Variants in FER1L5 observed in about 807,000 individuals in gnomAD.
FER1L5 encodes the protein fer-1-like protein 5.
In FER1L5, 187 loss-of-function variants were observed where a neutral mutation model predicts 279.9. The observed-to-expected ratio is 0.67, with a 90% confidence interval of 0.59 to 0.75. The LOEUF is 0.75. FER1L5 is among the 30% of genes least tolerant of loss of function. FER1L5 has a pLI of 0.00. For synonymous variants in FER1L5, 921 were observed against 989.7 expected, an observed-to-expected ratio of 0.93 and a Z score of 1.30; for missense variants, 2,091 against 2,594.4, an observed-to-expected ratio of 0.81 and a Z score of 4.21.
Position 96,661,429 on chromosome 2 carries a change from GACCA to G in FER1L5, c.884_887del (p.Asp295GlyfsTer3). ...CACCATCTATGCCCTCGGTGTGGGA[GACCA>G]GGCCCTGGTGAGCTGCCCCTAACCC... On this transcript the variant is annotated frameshift_variant, in exon 11 of 53. Transcript: ENST00000624922. LOFTEE classifies it high-confidence loss of function. The G allele has an allele frequency of 1.3e-6, 2 of 1,551,462 alleles. No individual in the cohort carries two copies. The highest frequency in any genetic ancestry group is 1.7e-6 in the Non-Finnish European group (2 of 1,146,898).
chr2:96,686,855 C>CAAAA (rs58724485), intron 23 of FER1L5, among the ~76,000 whole-genome samples: 2 of 41,148 alleles, frequency 4.9e-5, no homozygotes, highest in Admixed American at 2.3e-4. Flanking sequence ...GACTCCGTCT[C>CAAAA]AAAAAAAAAA....
At chr2:96,693,125 G>A (rs190662899) in intron 31 of FER1L5, among the ~76,000 whole-genome samples, 15 of 151,344 alleles carry the variant, frequency 9.9e-5, no homozygotes, top group East Asian at 1.9e-4. Flanking sequence ...GCAGTGAGCC[G>A]AGATGTGCCA....
rs1400177849 is a variant in FER1L5, at chr2:96,647,784, T to G, written c.237T>G (p.Ile79Met). The G allele has an allele frequency of 1.9e-6, 3 of 1,551,500 alleles. No individual in the cohort carries two copies. Residue 79 changes from isoleucine to methionine, a missense_variant, in exon 4 of 53, where the codon ATT becomes ATG. Physicochemically the swap from Ile to Met is conservative, Grantham distance 10. Coordinates refer to ENST00000624922, the MANE Select transcript of FER1L5 (RefSeq NM_001293083.2). ...DMGSQKKERF[I>M]GLATVLLKPL... ...CTGCTCCTTGTCTCCCCAGATTCATTGGCCTGGCCACAGTACTGCTCAAGC... is the reference window on the plus strand; with the variant it reads ...CTGCTCCTTGTCTCCCCAGATTCATGGGCCTGGCCACAGTACTGCTCAAGC...
At chr2:96,644,438 C>T (rs1372329249) in intron 1 of FER1L5, among the ~76,000 whole-genome samples, 1 of 151,436 alleles carries the variant, frequency 6.6e-6, no homozygotes, top group African/African-American at 2.4e-5. Flanking sequence ...GCCAAGATAG[C>T]GCCACTGCAC....
rs890052283 is a variant in FER1L5, at chr2:96,698,350, C to A, written c.4356+194C>A. ...GCTCCCCTTCCCCTCCCCACCCTGG[C>A]CTATGCTGGCCTCCCAAGGCTGCAA... On this transcript the variant is annotated intron_variant, in intron 40 of 52. Coordinates refer to ENST00000624922, the MANE Select transcript of FER1L5 (RefSeq NM_001293083.2). This position sits in a 1 kb window ranked among gnomAD's most constrained non-coding sequence, Gnocchi z 5.5. 6.6e-6 allele frequency among the ~76,000 whole-genome samples: 1 copy of A among 152,202 alleles called. No homozygotes were observed. Among genetic ancestry groups the A allele is most frequent in the Admixed American group, 6.5e-5 (1 of 15,284 alleles).
In FER1L5 at chr2:96,698,784, G is replaced by A. The variant is rs954553710; in HGVS notation, c.4470G>A (p.Val1490=). 3.4e-5 allele frequency: 53 copies of A among 1,566,260 alleles called. No homozygotes were observed. Among genetic ancestry groups the A allele is most frequent in the Non-Finnish European group, 4.6e-5 (53 of 1,155,802 alleles). ...EDFPQPCLVR[V]YMVRAINLQP... is the part of the protein sequence containing the mutation. The stretch of plus-strand genomic sequence containing the variant: ...TCCCCCAGCCGTGCTTGGTGCGGGT[G>A]TACATGGTACGAGCCATCAACCTGC... The change falls in exon 41 of 53, where the codon GTG becomes GTA. Residue 1490 remains valine (V), a synonymous_variant. Coordinates refer to ENST00000624922, the MANE Select transcript of FER1L5 (RefSeq NM_001293083.2). This position sits in a 1 kb window ranked among gnomAD's most constrained non-coding sequence, Gnocchi z 5.5.
chr2:96,703,024 G>C lies in FER1L5; in HGVS notation c.5444G>C (p.Arg1815Pro), dbSNP rs780876799. Reference sequence around the variant, plus strand: ...GCCACGTCCATGAAGTTCCCAGCCCGACTTATCATCCAGGTCTGGGACAAT... The same window carrying C: ...GCCACGTCCATGAAGTTCCCAGCCCCACTTATCATCCAGGTCTGGGACAAT... ...LDATSMKFPA[R>P]LIIQVWDNDI... The change falls in exon 49 of 53, where the codon CGA (arginine) becomes CCA (proline). Residue 1815 changes from arginine (R) to proline (P), a missense_variant. By Grantham distance (103) the Arg-to-Pro change is moderately radical. Transcript: ENST00000624922. 1 of 1,613,382 alleles carries C rather than the reference G, an allele frequency of 6.2e-7. No homozygotes were observed. Among genetic ancestry groups the C allele is most frequent in the Non-Finnish European group, 8.5e-7 (1 of 1,179,688 alleles).
chr2:96,660,892 C>G (rs1050267189), intron 10 of FER1L5, among the ~76,000 whole-genome samples: 1 of 152,224 alleles, frequency 6.6e-6, no homozygotes, highest in Non-Finnish European at 1.5e-5. Flanking sequence ...CTCTGAAAAA[C>G]TCAGGGCATC....
intron 19 of FER1L5, among the ~76,000 whole-genome samples, chr2:96,684,063 C>T (rs2076831837): frequency 6.6e-6 from 1 of 152,184 alleles, no homozygotes; most frequent in Non-Finnish European, 1.5e-5. Context: ...GAAACTGCTT[C>T]CCATTGCTAG....
intron 17 of FER1L5, among the ~76,000 whole-genome samples, chr2:96,669,844 ACTCAGTGGTAAT>A (rs2076259372): frequency 6.6e-6 from 1 of 152,098 alleles, no homozygotes; most frequent in African/African-American, 2.4e-5. Context: ...GGTAGTGCAA[ACTCAGTGGTAAT>A]CACAGTTACC....
chr2:96,702,332 A>G lies in FER1L5; in HGVS notation c.5186A>G (p.Lys1729Arg), dbSNP rs768162901. 1.3e-5 allele frequency: 21 copies of G among 1,612,944 alleles called. No homozygotes were observed. Among genetic ancestry groups the G allele is most frequent in the Non-Finnish European group, 1.8e-5 (21 of 1,179,576 alleles). The change falls in exon 47 of 53, where the codon AAG becomes AGG. Residue 1729 changes from lysine to arginine, a missense_variant. Lys to Arg is a conservative substitution (Grantham distance 26). Coordinates refer to ENST00000624922, the MANE Select transcript of FER1L5 (RefSeq NM_001293083.2). The surrounding 1 kb of genome is among the most constrained non-coding windows in gnomAD (Gnocchi z 4.0). ...TATGAGCTGCGATGCATCATCTGGA[A>G]GACTGCCAATGTGGACCTGGTGGAT... ...KRYELRCIIW[K>R]TANVDLVDDN...
At chr2:96,644,116 G>A (rs2075009235) in intron 1 of FER1L5, among the ~76,000 whole-genome samples, 1 of 148,792 alleles carries the variant, frequency 6.7e-6, no homozygotes, top group East Asian at 2.0e-4. Flanking sequence ...AGGTTGCAGT[G>A]AGCGGAGATC....
Position 96,694,234 on chromosome 2 carries a change from A to G in FER1L5, c.3637-126A>G. On this transcript the variant is annotated intron_variant, in intron 33 of 52. Transcript: ENST00000624922. The surrounding 1 kb of genome is among the most constrained non-coding windows in gnomAD (Gnocchi z 4.6). ...GCTGGCCTGACCAGCCTCTCCCCTA[A>G]GTCCCCCTGCCAGCCCCTACCCATG... is the stretch of plus-strand genomic sequence containing the variant. The G allele has an allele frequency of 3.1e-6, 4 of 1,304,508 alleles. No homozygotes were observed. The highest frequency in any genetic ancestry group is 4.1e-6 in the Non-Finnish European group (4 of 972,842). 80.8% of individuals were successfully genotyped at this position (1,304,508 alleles called of 1,614,324 possible).
intron 12 of FER1L5, 86 bp from the exon 13 acceptor site, chr2:96,662,129 G>A (rs1262301919): frequency 5.9e-6 from 8 of 1,345,130 alleles, no homozygotes; most frequent in South Asian, 1.3e-5. Context: ...TTATAGGGGA[G>A]GGTTTTCAGT....
chr2:96,650,417 C>T, intron 6 of FER1L5, 128 bp downstream of exon 6: 2 of 752,182 alleles, frequency 2.7e-6, no homozygotes, highest in South Asian at 1.8e-5. Context: ...GCTTCTGGCC[C>T]TCAGATCCTT....
chr2:96,682,419 T>A (rs1348094399), intron 19 of FER1L5, among the ~76,000 whole-genome samples: 1 of 152,234 alleles, frequency 6.6e-6, no homozygotes, highest in Non-Finnish European at 1.5e-5. Flanking sequence ...ATATTTTGGC[T>A]GTTTCCAACT....
Position 96,691,843 on chromosome 2 carries a change from C to T in FER1L5, c.3094C>T (p.His1032Tyr). ...EGSLAMDLKY[H>Y]AGKEEDSKTW... Reference sequence around the variant, plus strand: ...GGTACAGGCTATGGATCTGAAATACCACGCTGGGAAGGAAGAGGACAGCAA... The same window carrying T: ...GGTACAGGCTATGGATCTGAAATACTACGCTGGGAAGGAAGAGGACAGCAA... Residue 1032 changes from histidine to tyrosine, a missense_variant, in exon 30 of 53, where the codon CAC becomes TAC. Transcript: ENST00000624922. The surrounding 1 kb of genome is among the most constrained non-coding windows in gnomAD (Gnocchi z 6.0). 6.4e-7 allele frequency: 1 copy of T among 1,551,614 alleles called. No homozygotes were observed. The highest frequency in any genetic ancestry group is 8.7e-7 in the Non-Finnish European group (1 of 1,146,980).
intron 6 of FER1L5, among the ~76,000 whole-genome samples, chr2:96,650,511 G>A (rs1361207215): frequency 2.0e-5 from 3 of 152,196 alleles, no homozygotes; most frequent in Non-Finnish European, 4.4e-5. Context: ...GGTAGTAGGA[G>A]AGCCAGCTGT....
chr2:96,691,091 G>C lies in FER1L5; in HGVS notation c.2744-99G>C. 2.9e-6 allele frequency: 4 copies of C among 1,383,380 alleles called. No homozygotes were observed. Among genetic ancestry groups the C allele is most frequent in the Non-Finnish European group, 3.8e-6 (4 of 1,039,806 alleles). 85.7% of individuals were successfully genotyped at this position (1,383,380 alleles called of 1,614,324 possible). A position where few individuals can be genotyped will look rare whatever the true frequency, so the allele number is the denominator to read the frequency against. On this transcript the variant is annotated intron_variant, in intron 27 of 52. Transcript: ENST00000624922. This position sits in a 1 kb window ranked among gnomAD's most constrained non-coding sequence, Gnocchi z 6.0. ...CTCAGGGCCAGAGACCTGGATGTGAGGGAAGTAATGCCCCTCTAGGGCCTG... is the reference window on the plus strand; with the variant it reads ...CTCAGGGCCAGAGACCTGGATGTGACGGAAGTAATGCCCCTCTAGGGCCTG...
Sources: allele counts gnomAD v4.1 joint callset (sites outside exome capture counted in the v4.1 genomes callset), GRCh38; gene constraint gnomAD v4.1.1; non-coding constraint Gnocchi (gnomAD v3.1); transcripts MANE v1.5; gene names NCBI Gene and HGNC (gene_info 2026-07-23, HGNC 2026-07-21).